The following ARHGAP39 variants were observed in gnomAD, a reference collection of about 807,000 sequenced individuals.
The protein encoded by ARHGAP39 is rho GTPase-activating protein 39.
In ARHGAP39, 44 loss-of-function variants were observed where a neutral mutation model predicts 106.9. The ratio of observed to expected loss-of-function variants is 0.41; its 90% CI spans 0.32 to 0.53. ARHGAP39 has a LOEUF of 0.53. Among genes scored for constraint, ARHGAP39 ranks in the 20% least tolerant of loss-of-function variants. The pLI is 0.21. For missense variants in ARHGAP39, 1,496 were observed against 1,577.3 expected (o/e 0.95, Z 0.87); for synonymous variants, 768 against 693.2 (o/e 1.11, Z -1.69).
chr8:144,682,242 C>T (rs188883675), intron 1 of ARHGAP39, among the ~76,000 whole-genome samples: 2,940 of 91,680 alleles, frequency 0.032, 101 homozygotes, highest in African/African-American at 0.12. Context: ...AAGACTCTAT[C>T]TCAAAAAAAA....
intron 1 of ARHGAP39, among the ~76,000 whole-genome samples, chr8:144,624,441 C>T (rs1213919845): frequency 1.3e-5 from 2 of 152,256 alleles, no homozygotes; most frequent in Admixed American, 6.5e-5. Context: ...ATCAATCACA[C>T]CCCAATCTCC....
chr8:144,670,889 G>A lies in ARHGAP39; in HGVS notation c.-82+14797C>T, dbSNP rs555093245. ...CTGCCAGCCCCGAGCACCACTGACCGGCACTCAGTTATCCATGGAATGGAT... is the reference window on the plus strand; with the variant it reads ...CTGCCAGCCCCGAGCACCACTGACCAGCACTCAGTTATCCATGGAATGGAT... On this transcript the variant is annotated intron_variant, in intron 1 of 11. Transcript: ENST00000377307. The surrounding 1 kb of genome is among the most constrained non-coding windows in gnomAD (Gnocchi z 4.4). Among the ~76,000 whole-genome samples the A allele has an allele frequency of 6.6e-5, 10 of 152,218 alleles. No individual in the cohort carries two copies. The highest frequency in any genetic ancestry group is 1.0e-4 in the Non-Finnish European group (7 of 68,012).
chr8:144,545,224 T>G, intron 6 of ARHGAP39, 25 bp downstream of exon 6: 1 of 1,485,212 alleles, frequency 6.7e-7, no homozygotes, highest in East Asian at 2.4e-5. Context: ...CCTGAGCTGG[T>G]GGCAAAGCCC....
chr8:144,648,827 C>T (rs1453977853), intron 1 of ARHGAP39, among the ~76,000 whole-genome samples: 1 of 151,720 alleles, frequency 6.6e-6, no homozygotes, highest in Non-Finnish European at 1.5e-5. Context: ...TGCAGCATAC[C>T]AGAATCTCTG....
chr8:144,668,212 C>G (rs1178535549), intron 1 of ARHGAP39, among the ~76,000 whole-genome samples: 5 of 152,172 alleles, frequency 3.3e-5, no homozygotes, highest in African/African-American at 1.2e-4. Flanking sequence ...GAGGCCAAGG[C>G]AGAAGGACTG....
chr8:144,600,268 G>A (rs975830580), intron 2 of ARHGAP39, among the ~76,000 whole-genome samples: 3 of 149,580 alleles, frequency 2.0e-5, no homozygotes, highest in African/African-American at 7.4e-5. Context: ...GCGTGGGGGT[G>A]TCTGTGTGCT....
chr8:144,618,114 T>A (rs1041381826), intron 1 of ARHGAP39, among the ~76,000 whole-genome samples: 2 of 152,228 alleles, frequency 1.3e-5, no homozygotes, highest in African/African-American at 4.8e-5. Flanking sequence ...TAGAATATTT[T>A]AATTTTTATT....
chr8:144,680,981 G>C (rs1296706961), intron 1 of ARHGAP39, among the ~76,000 whole-genome samples: 1 of 152,188 alleles, frequency 6.6e-6, no homozygotes, highest in Non-Finnish European at 1.5e-5. Flanking sequence ...ACGAGTTTTA[G>C]GGAAGACTAC....
chr8:144,618,130 G>A (rs1363405757), intron 1 of ARHGAP39, among the ~76,000 whole-genome samples: 1 of 152,110 alleles, frequency 6.6e-6, no homozygotes, highest in African/African-American at 2.4e-5. Flanking sequence ...TTATTAGGTG[G>A]TTACTGTAAC....
intron 1 of ARHGAP39, chr8:144,683,352 C>A (rs1236350317): frequency 1.4e-5 from 2 of 140,740 alleles, no homozygotes; most frequent in Admixed American, 7.1e-5. Context: ...ATAAAATATT[C>A]TTTTTTTTTT....
At chr8:144,553,977 G>A (rs1395981010) in intron 4 of ARHGAP39, among the ~76,000 whole-genome samples, 1 of 152,272 alleles carries the variant, frequency 6.6e-6, no homozygotes, top group African/African-American at 2.4e-5. Flanking sequence ...AGGTGCAGCT[G>A]CTGGCCCTGT....
At chr8:144,553,056 C>T (rs1002456540) in intron 4 of ARHGAP39, among the ~76,000 whole-genome samples, 1 of 152,198 alleles carries the variant, frequency 6.6e-6, no homozygotes. Context: ...CCTCCCTCTT[C>T]CCAGAAGCAC....
intron 2 of ARHGAP39, among the ~76,000 whole-genome samples, chr8:144,596,775 G>A (rs984617545): frequency 6.6e-6 from 1 of 152,208 alleles, no homozygotes; most frequent in African/African-American, 2.4e-5. Flanking sequence ...AGGACCCACT[G>A]GTGCCGCAGG....
intron 1 of ARHGAP39, among the ~76,000 whole-genome samples, chr8:144,623,928 T>C (rs1820871343): frequency 6.6e-6 from 1 of 152,178 alleles, no homozygotes. Flanking sequence ...CCCTCACTTG[T>C]TGGGGTGACA....
At chr8:144,634,102 G>A (rs952095866) in intron 1 of ARHGAP39, among the ~76,000 whole-genome samples, 5 of 152,226 alleles carry the variant, frequency 3.3e-5, no homozygotes, top group Non-Finnish European at 5.9e-5. Context: ...CTGGGCTCCC[G>A]GGAACTCCAG....
upstream of ARHGAP39, among the ~76,000 whole-genome samples, chr8:144,689,230 CT>C (rs1297255600): frequency 1.0e-3 from 147 of 146,220 alleles, no homozygotes; most frequent in East Asian, 5.9e-3. Context: ...GCAAGTTTGA[CT>C]TTTTTTTTTT....
In ARHGAP39 at chr8:144,591,828, C is replaced by T. The variant is rs886391229; in HGVS notation, c.81-10551G>A. Among the ~76,000 whole-genome samples the T allele has an allele frequency of 6.6e-6, 1 of 152,158 alleles. No homozygotes were observed. The highest frequency in any genetic ancestry group is 6.5e-5 in the Admixed American group (1 of 15,280). Reference sequence around the variant, plus strand: ...CTCCCTGCCTGGAAGGAACAGGCCCCGTGTGCCAGGGCGGCTTCCCCTGGA... The same window carrying T: ...CTCCCTGCCTGGAAGGAACAGGCCCTGTGTGCCAGGGCGGCTTCCCCTGGA... On this transcript the variant is annotated intron_variant, in intron 2 of 11. Transcript: ENST00000377307. This position sits in a 1 kb window ranked among gnomAD's most constrained non-coding sequence, Gnocchi z 5.3.
intron 5 of ARHGAP39, among the ~76,000 whole-genome samples, chr8:144,546,082 G>A (rs1377704806): frequency 6.6e-6 from 1 of 152,226 alleles, no homozygotes; most frequent in Non-Finnish European, 1.5e-5. Flanking sequence ...GGCTGAGGGT[G>A]AGGCGGGAGG....
intron 2 of ARHGAP39, among the ~76,000 whole-genome samples, chr8:144,602,170 CGT>C (rs575907359): frequency 9.8e-4 from 87 of 89,042 alleles, no homozygotes; most frequent in African/African-American, 2.6e-3. Context: ...TGCGTGGAGG[CGT>C]GTGTGCTCGT....
Sources: allele counts gnomAD v4.1 joint callset (sites outside exome capture counted in the v4.1 genomes callset), GRCh38; gene constraint gnomAD v4.1.1; non-coding constraint Gnocchi (gnomAD v3.1); transcripts MANE v1.5; gene names NCBI Gene and HGNC (gene_info 2026-07-23, HGNC 2026-07-21).